Variants in LRRTM4 observed in about 807,000 individuals in gnomAD.
The protein encoded by LRRTM4 is leucine rich repeat transmembrane neuronal 4.
Under a neutral mutation model 47.6 loss-of-function variants are expected in LRRTM4, and 25 were observed. That is an observed-to-expected ratio of 0.53 (90% confidence interval 0.38 to 0.73). LRRTM4 has a LOEUF of 0.73. LRRTM4 is among the 30% of genes least tolerant of loss of function. LRRTM4 has a pLI of 0.00. For missense variants in LRRTM4, 638 were observed against 713.4 expected (o/e 0.89, Z 1.20); for synonymous variants, 311 against 269.5 (o/e 1.15, Z -1.51).
intron 3 of LRRTM4, among the ~76,000 whole-genome samples, chr2:77,264,713 A>G (rs1224158402): frequency 6.6e-6 from 1 of 152,174 alleles, no homozygotes; most frequent in Non-Finnish European, 1.5e-5. Flanking sequence ...ATGTCATGAC[A>G]TAATTAGATA....
chr2:77,283,951 A>G (rs957073195), intron 3 of LRRTM4, among the ~76,000 whole-genome samples: 2 of 152,100 alleles, frequency 1.3e-5, no homozygotes, highest in Non-Finnish European at 2.9e-5. Context: ...ACAAAACTGC[A>G]CATGAAGCCC....
chr2:76,772,778 G>C (rs568246426), intron 3 of LRRTM4: 1 of 151,324 alleles, frequency 6.6e-6, no homozygotes, highest in Admixed American at 6.6e-5. Context: ...CTTTTATTAC[G>C]GTCTGTTGTT....
chr2:77,129,240 A>G (rs891589521), intron 3 of LRRTM4, among the ~76,000 whole-genome samples: 2 of 152,180 alleles, frequency 1.3e-5, no homozygotes, highest in Non-Finnish European at 2.9e-5. Context: ...TCTTTGGTGT[A>G]AGGCATTGCC....
At position 76,968,500 on chromosome 2, in the gene LRRTM4, A is replaced by G. The variant is rs973890778; in HGVS notation, c.1552-219584T>C. On this transcript the variant is annotated intron_variant, in intron 3 of 3. Transcript: ENST00000409884. ...TCTATCCATCTACCTATCTATTTGTATTCTCACATTGTATGTATATTGAAA... is the reference window on the plus strand; with the variant it reads ...TCTATCCATCTACCTATCTATTTGTGTTCTCACATTGTATGTATATTGAAA... 3.3e-5 allele frequency among the ~76,000 whole-genome samples: 5 copies of G among 150,350 alleles called. No homozygotes were observed. The South Asian group carries it at 1.1e-3, about 32-fold the overall frequency.
intron 3 of LRRTM4, among the ~76,000 whole-genome samples, chr2:77,408,031 A>G (rs1674281133): frequency 6.6e-6 from 1 of 152,138 alleles, no homozygotes; most frequent in Non-Finnish European, 1.5e-5. Flanking sequence ...TTTGCAAATC[A>G]AAGTCTATAG....
At chr2:77,071,678 T>C (rs961284503) in intron 3 of LRRTM4, among the ~76,000 whole-genome samples, 4 of 152,180 alleles carry the variant, frequency 2.6e-5, no homozygotes, top group Non-Finnish European at 5.9e-5. Context: ...ATTATGAAAA[T>C]GTAAAAACAA....
At chr2:76,917,125 G>T (rs1674279241) in intron 3 of LRRTM4, among the ~76,000 whole-genome samples, 1 of 152,140 alleles carries the variant, frequency 6.6e-6, no homozygotes, top group African/African-American at 2.4e-5. Flanking sequence ...ATTGTGAATT[G>T]TATAGTCTTT....
intron 3 of LRRTM4, among the ~76,000 whole-genome samples, chr2:77,139,466 T>C (rs1672051035): frequency 6.6e-6 from 1 of 152,188 alleles, no homozygotes; most frequent in Admixed American, 6.5e-5. Context: ...TAGGTATTGA[T>C]GGGGCGTATC....
chr2:77,370,069 T>C (rs1184124526), intron 3 of LRRTM4, among the ~76,000 whole-genome samples: 1 of 151,764 alleles, frequency 6.6e-6, no homozygotes, highest in African/African-American at 2.4e-5. Context: ...CCAGTGTGCA[T>C]AATGCAGGGG....
intron 3 of LRRTM4, among the ~76,000 whole-genome samples, chr2:77,338,178 T>C (rs1015324543): frequency 1.3e-5 from 2 of 152,054 alleles, no homozygotes; most frequent in Non-Finnish European, 2.9e-5. Context: ...GCCATTGACC[T>C]TGAGAAATAA....
chr2:77,179,482 T>C (rs1673291513), intron 3 of LRRTM4, among the ~76,000 whole-genome samples: 1 of 152,156 alleles, frequency 6.6e-6, no homozygotes, highest in Non-Finnish European at 1.5e-5. Flanking sequence ...AGTAATCGTT[T>C]GTTCAGTTGA....
At chr2:76,968,469 T>C (rs1210220020) in intron 3 of LRRTM4, among the ~76,000 whole-genome samples, 1 of 150,022 alleles carries the variant, frequency 6.7e-6, no homozygotes, top group Non-Finnish European at 1.5e-5. Flanking sequence ...CCTCTATATC[T>C]ATGTATCTAT....
At chr2:77,244,683 AT>A in intron 3 of LRRTM4, among the ~76,000 whole-genome samples, 1 of 152,144 alleles carries the variant, frequency 6.6e-6, no homozygotes, top group South Asian at 2.1e-4. Flanking sequence ...GGCAAAAGTT[AT>A]GGAAAATCAT....
At chr2:77,357,297 ACTG>A (rs1672003816) in intron 3 of LRRTM4, among the ~76,000 whole-genome samples, 1 of 152,228 alleles carries the variant, frequency 6.6e-6, no homozygotes, top group African/African-American at 2.4e-5. Context: ...ATGTCATTAT[ACTG>A]CTGCAAAATG....
chr2:76,949,997 A>G (rs1675445359), intron 3 of LRRTM4, among the ~76,000 whole-genome samples: 1 of 151,960 alleles, frequency 6.6e-6, no homozygotes, highest in Non-Finnish European at 1.5e-5. Context: ...GTGAAAAGTA[A>G]TAAGACAACA....
At chr2:77,350,866 A>G (rs1031229015) in intron 3 of LRRTM4, among the ~76,000 whole-genome samples, 5 of 152,244 alleles carry the variant, frequency 3.3e-5, no homozygotes, top group Non-Finnish European at 5.9e-5. Context: ...CTGTAGTGAA[A>G]TACCACTATA....
At chr2:77,292,707 G>A in intron 3 of LRRTM4, among the ~76,000 whole-genome samples, 1 of 115,688 alleles carries the variant, frequency 8.6e-6, no homozygotes, top group Non-Finnish European at 1.7e-5. Context: ...TGGGGTGGGG[G>A]GAGGGGGGAG....
chr2:77,321,368 A>T (rs1375246722), intron 3 of LRRTM4, among the ~76,000 whole-genome samples: 1 of 152,120 alleles, frequency 6.6e-6, no homozygotes, highest in Non-Finnish European at 1.5e-5. Flanking sequence ...TGGTATATAA[A>T]TAAGAGTATT....
At chr2:77,033,336 A>T (rs80167618) in intron 3 of LRRTM4, among the ~76,000 whole-genome samples, 2,077 of 152,140 alleles carry the variant, frequency 0.014, 55 homozygotes, top group African/African-American at 0.047. Context: ...AAAGATTATT[A>T]AAAAAATCTT....
Sources: allele counts gnomAD v4.1 joint callset (sites outside exome capture counted in the v4.1 genomes callset), GRCh38; gene constraint gnomAD v4.1.1; transcripts MANE v1.5; gene names NCBI Gene and HGNC (gene_info 2026-07-23, HGNC 2026-07-21).